The following DPP10 variants were observed in gnomAD, a reference collection of about 807,000 sequenced individuals.
DPP10 encodes the protein inactive dipeptidyl peptidase 10.
Under a neutral mutation model 120.9 loss-of-function variants are expected in DPP10, and 33 were observed. The observed-to-expected ratio is 0.27, with a 90% CI of 0.21 to 0.37. The LOEUF (loss-of-function observed/expected upper bound fraction) is 0.37, where lower values mean the gene tolerates loss of function less well. Ranked by LOEUF, DPP10 falls within the 10% of genes least tolerant of loss-of-function variation. The pLI, the probability that DPP10 is intolerant of heterozygous loss-of-function variation, is 1.00. For missense variants in DPP10, 816 were observed against 942.8 expected (o/e 0.87, Z 1.76); for synonymous variants, 337 against 326.1 (o/e 1.03, Z -0.36).
intron 3 of DPP10, among the ~76,000 whole-genome samples, chr2:115,359,444 A>G (rs896511644): frequency 6.6e-6 from 1 of 152,118 alleles, no homozygotes; most frequent in Admixed American, 6.6e-5. Flanking sequence ...ATGAAAATAG[A>G]CCTACAATCT....
chr2:114,661,854 CT>C (rs1697427895), intron 1 of DPP10, among the ~76,000 whole-genome samples: 1 of 152,148 alleles, frequency 6.6e-6, no homozygotes, highest in Non-Finnish European at 1.5e-5. Context: ...ATGAAAACGT[CT>C]TCTCCTTAAT....
At chr2:115,803,313 G>C (rs13394645) in intron 19 of DPP10, among the ~76,000 whole-genome samples, 288 of 152,014 alleles carry the variant, frequency 1.9e-3, no homozygotes, top group African/African-American at 6.7e-3. Context: ...TTTATTTTGA[G>C]CCTATGTGTG....
chr2:114,849,899 T>C (rs1019973912), intron 1 of DPP10, among the ~76,000 whole-genome samples: 1 of 151,984 alleles, frequency 6.6e-6, no homozygotes, highest in African/African-American at 2.4e-5. Context: ...GAGAGTCAGC[T>C]GCTTTATCCC....
Position 114,467,637 on chromosome 2 carries a change from GT to G in DPP10, c.60+24805del, listed in dbSNP as rs965759621. ...CCCAGGTGATAAGGAATCAATGCTTGTTTTTTGTTGAATTAACTTGATTTTA... is the reference window on the plus strand; with the variant it reads ...CCCAGGTGATAAGGAATCAATGCTTGTTTTTGTTGAATTAACTTGATTTTA... On this transcript the variant is annotated intron_variant, in intron 1 of 25. Transcript: ENST00000410059. 4.6e-5 allele frequency among the ~76,000 whole-genome samples: 7 copies of G among 152,258 alleles called. No homozygotes were observed. In the South Asian group the frequency reaches 1.4e-3, roughly 32 times the overall value.
At chr2:114,535,487 A>G (rs774188327) in intron 1 of DPP10, among the ~76,000 whole-genome samples, 3 of 152,174 alleles carry the variant, frequency 2.0e-5, no homozygotes, top group Non-Finnish European at 4.4e-5. Flanking sequence ...TGTTCTCTAA[A>G]CATATTAATC....
chr2:115,289,703 C>A (rs1372666414), intron 1 of DPP10, among the ~76,000 whole-genome samples: 1 of 151,958 alleles, frequency 6.6e-6, no homozygotes, highest in Non-Finnish European at 1.5e-5. Flanking sequence ...CAGATACTTA[C>A]AACCAATTAA....
chr2:115,116,155 T>TC (rs397942688), intron 1 of DPP10, among the ~76,000 whole-genome samples: 1 of 152,078 alleles, frequency 6.6e-6, no homozygotes, highest in African/African-American at 2.4e-5. Flanking sequence ...TCATTTTTTT[T>TC]CCCAAAGACA....
intron 1 of DPP10, among the ~76,000 whole-genome samples, chr2:114,742,707 A>G (rs2105994511): frequency 6.6e-6 from 1 of 152,378 alleles, no homozygotes; most frequent in East Asian, 1.9e-4. Flanking sequence ...GAAAGAAACA[A>G]TACTGGTGAT....
intron 1 of DPP10, among the ~76,000 whole-genome samples, chr2:114,614,714 T>C (rs941779597): frequency 6.6e-6 from 1 of 152,208 alleles, no homozygotes; most frequent in Non-Finnish European, 1.5e-5. Flanking sequence ...TTGTGATTCT[T>C]AAGTGCTATA....
At chr2:114,528,163 C>G (rs527442259) in intron 1 of DPP10, among the ~76,000 whole-genome samples, 1 of 152,286 alleles carries the variant, frequency 6.6e-6, no homozygotes, top group East Asian at 1.9e-4. Flanking sequence ...CTCCCATACA[C>G]ACTGCAAGCA....
chr2:115,383,502 A>G (rs773241461), intron 3 of DPP10, among the ~76,000 whole-genome samples: 1 of 152,152 alleles, frequency 6.6e-6, no homozygotes, highest in Non-Finnish European at 1.5e-5. Context: ...TAGAAGTGGG[A>G]TTTTTACAAA....
intron 5 of DPP10, among the ~76,000 whole-genome samples, chr2:115,547,896 TA>T (rs1351895865): frequency 3.9e-5 from 6 of 152,176 alleles, no homozygotes; most frequent in African/African-American, 1.2e-4. Context: ...CATCTTTCCT[TA>T]AGTTAGATCA....
chr2:115,656,966 T>C (rs2149394957), intron 5 of DPP10, among the ~76,000 whole-genome samples: 1 of 151,748 alleles, frequency 6.6e-6, no homozygotes, highest in Admixed American at 6.6e-5. Context: ...TTATGCATAA[T>C]AAATAAGTTC....
chr2:115,653,575 T>G (rs375412835), intron 5 of DPP10, among the ~76,000 whole-genome samples: 1 of 151,948 alleles, frequency 6.6e-6, no homozygotes, highest in South Asian at 2.1e-4. Flanking sequence ...TTTCCCAATA[T>G]ACAATAAATT....
chr2:115,830,761 A>C (rs1688836958), intron 21 of DPP10, among the ~76,000 whole-genome samples: 1 of 152,186 alleles, frequency 6.6e-6, no homozygotes, highest in African/African-American at 2.4e-5. Flanking sequence ...TCACTAGGAG[A>C]TCATGTTTGA....
intron 5 of DPP10, among the ~76,000 whole-genome samples, chr2:115,587,576 C>G (rs1212586168): frequency 3.9e-5 from 6 of 152,184 alleles, no homozygotes; most frequent in African/African-American, 1.4e-4. Context: ...CGTGCACCCC[C>G]ATGTTCTTTG....
chr2:115,753,145 C>A (rs1249872846), intron 10 of DPP10, 29 bp from the exon 11 acceptor site: 1 of 1,600,968 alleles, frequency 6.2e-7, no homozygotes, highest in South Asian at 1.1e-5. Context: ...TGGCTCTAAA[C>A]ATACATTTTA....
intron 17 of DPP10, among the ~76,000 whole-genome samples, chr2:115,789,335 C>A (rs1203306782): frequency 6.6e-6 from 1 of 152,130 alleles, no homozygotes; most frequent in Non-Finnish European, 1.5e-5. Flanking sequence ...TTTGCTATAA[C>A]CTTCAACAAA....
rs189121447 is a variant in DPP10 at position 115,542,360 on chromosome 2, A to G, written c.441+16388A>G. 2.0e-4 allele frequency among the ~76,000 whole-genome samples: 31 copies of G among 152,078 alleles called. No individual in the cohort carries two copies. In the East Asian group the frequency reaches 5.6e-3, roughly 28 times the overall value. ...ATTTTTTGAAATTGGCTTATTTTAT[A>G]TTGTCCAACATAATGCCCTTAAGTT... On this transcript the variant is annotated intron_variant, in intron 5 of 25. Transcript: ENST00000410059.
Sources: allele counts gnomAD v4.1 joint callset (sites outside exome capture counted in the v4.1 genomes callset), GRCh38; gene constraint gnomAD v4.1.1; transcripts MANE v1.5; gene names NCBI Gene and HGNC (gene_info 2026-07-23, HGNC 2026-07-21).